The following RGS7 variants were observed in gnomAD, a reference collection of about 807,000 sequenced individuals.
RGS7 encodes the protein regulator of G protein signaling 7.
Under a neutral mutation model 81.1 loss-of-function variants are expected in RGS7, and 27 were observed. That is an observed-to-expected ratio of 0.33 (90% CI 0.25 to 0.46). The LOEUF is 0.46. RGS7 is among the 20% of genes least tolerant of loss of function. The pLI, the probability that RGS7 is intolerant of heterozygous loss-of-function variation, is 1.00. For missense variants in RGS7, 396 were observed against 607.4 expected, an observed-to-expected ratio of 0.65 and a Z score of 3.66; for synonymous variants, 208 against 207.7, an observed-to-expected ratio of 1.00 and a Z score of -0.01.
chr1:240,850,285 T>C (rs143092118), intron 9 of RGS7, among the ~76,000 whole-genome samples: 68 of 152,318 alleles, frequency 4.5e-4, no homozygotes, highest in African/African-American at 1.6e-3. Flanking sequence ...CTTGCTTGCT[T>C]TGTATCCTTG....
intron 2 of RGS7, among the ~76,000 whole-genome samples, chr1:241,302,417 C>T (rs1325938912): frequency 6.6e-6 from 1 of 152,100 alleles, no homozygotes; most frequent in African/African-American, 2.4e-5. Flanking sequence ...GGCATGGTTG[C>T]AGGCGCCTGT....
At chr1:241,299,046 C>G (rs1345280556) in intron 2 of RGS7, among the ~76,000 whole-genome samples, 2 of 152,186 alleles carry the variant, frequency 1.3e-5, no homozygotes, top group Non-Finnish European at 2.9e-5. Flanking sequence ...CCCAGGGAAG[C>G]CCAGAGCTGG....
At chr1:241,330,918 C>T (rs547250438) in intron 2 of RGS7, among the ~76,000 whole-genome samples, 1 of 152,304 alleles carries the variant, frequency 6.6e-6, no homozygotes, top group South Asian at 2.1e-4. Flanking sequence ...TGCACACATA[C>T]CCCCTAAATC....
intron 6 of RGS7, among the ~76,000 whole-genome samples, chr1:240,900,591 T>C (rs926153283): frequency 6.6e-6 from 1 of 152,158 alleles, no homozygotes; most frequent in African/African-American, 2.4e-5. Context: ...TATCACCAGC[T>C]GAGGCTACAC....
chr1:241,174,016 T>C (rs775717780), intron 2 of RGS7, among the ~76,000 whole-genome samples: 1 of 152,200 alleles, frequency 6.6e-6, no homozygotes, highest in African/African-American at 2.4e-5. Flanking sequence ...ACTCATGATA[T>C]ACAGAGTTTG....
intron 4 of RGS7, among the ~76,000 whole-genome samples, chr1:240,953,803 C>G (rs1679930860): frequency 6.6e-6 from 1 of 151,826 alleles, no homozygotes; most frequent in Non-Finnish European, 1.5e-5. Flanking sequence ...GAAAAATCAA[C>G]AAAATTAAAA....
chr1:240,834,916 CCACACACACA>C lies in RGS7; in HGVS notation c.610-7754_610-7745del, dbSNP rs67071227. Among the ~76,000 whole-genome samples the C allele has an allele frequency of 3.7e-3, 534 of 144,612 alleles. 5 individuals carry two copies. The highest frequency in any genetic ancestry group is 7.2e-3 in the Middle Eastern group (2 of 278). 94.9% of individuals were successfully genotyped at this position (144,612 alleles called of 152,430 possible). ...TCAAAACTCATTCAGACCTTACACT[CCACACACACA>C]CACACACACACACACACACACACAC... On this transcript the variant is annotated intron_variant, in intron 9 of 18. Coordinates refer to ENST00000440928, the MANE Select transcript of RGS7 (RefSeq NM_001364886.1).
At chr1:241,319,874 C>T (rs1313310896) in intron 2 of RGS7, among the ~76,000 whole-genome samples, 7 of 152,068 alleles carry the variant, frequency 4.6e-5, no homozygotes, top group African/African-American at 7.2e-5. Flanking sequence ...GGGCAGATCA[C>T]GAGGTCAGGA....
intron 2 of RGS7, among the ~76,000 whole-genome samples, chr1:241,313,911 G>A (rs2080705127): frequency 6.6e-6 from 1 of 152,154 alleles, no homozygotes; most frequent in Non-Finnish European, 1.5e-5. Context: ...TGCAGATGTG[G>A]TAGAAATAGC....
intron 2 of RGS7, among the ~76,000 whole-genome samples, chr1:241,238,966 C>CT (rs66468032): frequency 1.3e-3 from 135 of 106,624 alleles, no homozygotes; most frequent in East Asian, 4.2e-3. Flanking sequence ...GCCTCTCTCT[C>CT]TTTTTTTTTT....
intron 3 of RGS7, among the ~76,000 whole-genome samples, chr1:241,049,675 G>A (rs1359441842): frequency 6.6e-6 from 1 of 152,188 alleles, no homozygotes. Context: ...AGACCCACCA[G>A]GAACTAAGGG....
At chr1:240,909,683 C>T (rs1671412771) in intron 6 of RGS7, among the ~76,000 whole-genome samples, 1 of 152,216 alleles carries the variant, frequency 6.6e-6, no homozygotes, top group South Asian at 2.1e-4. Context: ...TCTATATAGT[C>T]AGCTTTTTGT....
chr1:241,187,029 C>T (rs1424938796), intron 2 of RGS7, among the ~76,000 whole-genome samples: 1 of 152,058 alleles, frequency 6.6e-6, no homozygotes, highest in African/African-American at 2.4e-5. Flanking sequence ...CTCCAGAATG[C>T]CAAACGAGAA....
chr1:241,203,731 C>A (rs1266887751), intron 2 of RGS7, among the ~76,000 whole-genome samples: 1 of 152,234 alleles, frequency 6.6e-6, no homozygotes, highest in East Asian at 1.9e-4. Context: ...CAAACCAGTG[C>A]CATAACTCCA....
At chr1:241,322,390 G>A (rs2081262743) in intron 2 of RGS7, among the ~76,000 whole-genome samples, 1 of 152,184 alleles carries the variant, frequency 6.6e-6, no homozygotes, top group South Asian at 2.1e-4. Context: ...GATAGATTCA[G>A]AGGTTGCAAG....
intron 2 of RGS7, among the ~76,000 whole-genome samples, chr1:241,327,492 C>A (rs542315198): frequency 2.0e-5 from 3 of 152,146 alleles, no homozygotes; most frequent in East Asian, 1.9e-4. Context: ...ATAATTCAAC[C>A]AAGTATAGGG....
intron 2 of RGS7, among the ~76,000 whole-genome samples, chr1:241,249,846 G>C (rs2076742421): frequency 2.0e-5 from 3 of 152,064 alleles, no homozygotes; most frequent in South Asian, 2.1e-4. Flanking sequence ...TGAGAAGATA[G>C]AAAAATGGTG....
At chr1:240,876,004 T>C (rs1372591515) in intron 6 of RGS7, among the ~76,000 whole-genome samples, 1 of 152,190 alleles carries the variant, frequency 6.6e-6, no homozygotes, top group South Asian at 2.1e-4. Flanking sequence ...TATGATGCTG[T>C]TTGCCCCTCC....
At chr1:241,319,387 G>C (rs1053774035) in intron 2 of RGS7, among the ~76,000 whole-genome samples, 1 of 151,968 alleles carries the variant, frequency 6.6e-6, no homozygotes, top group South Asian at 2.1e-4. Flanking sequence ...ATTAAATGTT[G>C]GTATAAAAAT....
Sources: gnomAD v4.1 joint callset for allele counts (sites outside exome capture counted in the v4.1 genomes callset) on GRCh38, gnomAD v4.1.1 for gene constraint, MANE v1.5 for transcripts, NCBI Gene and HGNC (gene_info 2026-07-23, HGNC 2026-07-21) for gene names.